Variants in MYLK observed in about 807,000 individuals in gnomAD.
MYLK encodes myosin light chain kinase, also known as myosin light chain kinase, smooth muscle.
In MYLK, 106 loss-of-function variants were observed where a neutral mutation model predicts 203.4. That is an observed-to-expected ratio of 0.52 (90% CI 0.45 to 0.61). The LOEUF is 0.61. Ranked by LOEUF, MYLK falls within the 20% of genes least tolerant of loss-of-function variation. The probability of loss-of-function intolerance (pLI) is 0.00; values close to 1 mark genes in which losing one functional copy is unlikely to be tolerated. For synonymous variants in MYLK, 867 were observed against 959.5 expected (o/e 0.90, Z 1.78); for missense variants, 2,072 against 2,442.3 (o/e 0.85, Z 3.20).
chr3:123,725,110 C>T (rs984977437), intron 12 of MYLK, among the ~76,000 whole-genome samples: 1 of 152,114 alleles, frequency 6.6e-6, no homozygotes, highest in Non-Finnish European at 1.5e-5. Flanking sequence ...CCTTCTTTTC[C>T]ACCCTATCTT....
intron 16 of MYLK, among the ~76,000 whole-genome samples, chr3:123,704,685 T>C (rs2108613733): frequency 6.9e-6 from 1 of 144,596 alleles, no homozygotes; most frequent in Middle Eastern, 4.0e-3. Context: ...GGGCGAATCA[T>C]GAGGTCAGGA....
At chr3:123,737,618 A>G in intron 7 of MYLK, 75 bp from the exon 8 acceptor site, 3 of 1,586,758 alleles carry the variant, frequency 1.9e-6, no homozygotes, top group Non-Finnish European at 2.6e-6. Flanking sequence ...CCTCCTGCCA[A>G]TCCTAGTGGG....
At chr3:123,704,252 C>A (rs111681767) in intron 16 of MYLK, among the ~76,000 whole-genome samples, 146 of 152,350 alleles carry the variant, frequency 9.6e-4, no homozygotes, top group African/African-American at 3.3e-3. Context: ...CTCTGCTGGG[C>A]CTTTAAAGCA....
intron 5 of MYLK, among the ~76,000 whole-genome samples, chr3:123,741,766 A>G (rs2062862755): frequency 6.6e-6 from 1 of 152,258 alleles, no homozygotes; most frequent in South Asian, 2.1e-4. Flanking sequence ...TAGGAAGAAA[A>G]TAAGTAGTCA....
intron 31 of MYLK, chr3:123,623,541 C>CATGTCACTT (rs1399476529): frequency 2.0e-5 from 3 of 152,150 alleles, no homozygotes; most frequent in Non-Finnish European, 4.4e-5. Flanking sequence ...GATTTGTTCC[C>CATGTCACTT]ATGTCACTTC....
intron 4 of MYLK, among the ~76,000 whole-genome samples, chr3:123,790,669 C>T (rs1001987568): frequency 1.3e-5 from 2 of 152,204 alleles, no homozygotes; most frequent in South Asian, 4.1e-4. Flanking sequence ...CAGTTCTTAA[C>T]GTCTTACGAG....
intron 4 of MYLK, among the ~76,000 whole-genome samples, chr3:123,766,642 C>T (rs1424027935): frequency 6.6e-6 from 1 of 152,222 alleles, no homozygotes; most frequent in African/African-American, 2.4e-5. Context: ...GAGGGGTCCT[C>T]GGAGACCCCA....
chr3:123,791,038 C>T (rs1368454833), intron 4 of MYLK, among the ~76,000 whole-genome samples: 3 of 152,160 alleles, frequency 2.0e-5, no homozygotes, highest in Non-Finnish European at 4.4e-5. Flanking sequence ...GAGAAATGTG[C>T]TCCTGAGGCC....
chr3:123,843,890 C>T (rs528568852), intron 2 of MYLK, among the ~76,000 whole-genome samples: 1 of 152,152 alleles, frequency 6.6e-6, no homozygotes, highest in South Asian at 2.1e-4. Context: ...TGCTTCTGCT[C>T]TAAGTGAGAG....
intron 2 of MYLK, among the ~76,000 whole-genome samples, chr3:123,849,747 A>AT (rs200337881): frequency 0.046 from 6,969 of 151,308 alleles, 240 homozygotes; most frequent in Non-Finnish European, 0.074. Context: ...ACATTTATTC[A>AT]TTTTTTTTTA....
chr3:123,719,596 G>C (rs1447558972), intron 13 of MYLK, among the ~76,000 whole-genome samples: 8 of 152,218 alleles, frequency 5.3e-5, no homozygotes, highest in Non-Finnish European at 8.8e-5. Context: ...GCGACTGTCA[G>C]CATCTCCATT....
At position 123,792,696 on chromosome 3, in the gene MYLK, T is replaced by C. The variant is rs1212802236; in HGVS notation, c.165+981A>G. Among the ~76,000 whole-genome samples, 3 of 152,176 alleles carry C rather than the reference T, an allele frequency of 2.0e-5. No homozygotes were observed. The East Asian group carries it at 5.8e-4, about 29-fold the overall frequency. ...CCTGTTGCTTCTCTCCTGTTAGCTA[T>C]GAGGATAAGAGGACAGAGGGAACCA... On this transcript the variant is annotated intron_variant, in intron 4 of 33. Transcript: ENST00000360304.
At chr3:123,638,017 C>T in intron 29 of MYLK, 54 bp downstream of exon 29, 1 of 1,612,158 alleles carries the variant, frequency 6.2e-7, no homozygotes, top group Non-Finnish European at 8.5e-7. Context: ...CCTCAGCCCC[C>T]ACCCACTGGT....
In MYLK at chr3:123,700,676, C is replaced by T. The variant is rs371418382; in HGVS notation, c.2792G>A (p.Arg931Gln). ...AGACACAGTCTTTGGCTTCACTTGCCGCTGCAGGTTGGCACGGAAATCCAT... is the reference window on the plus strand; with the variant it reads ...AGACACAGTCTTTGGCTTCACTTGCTGCTGCAGGTTGGCACGGAAATCCAT... ...EQMDFRANLQ[R>Q]QVKPKTVSEE... Residue 931 changes from arginine to glutamine, a missense_variant, in exon 18 of 34, where the codon CGG becomes CAG. Physicochemically the swap from Arg to Gln is conservative, Grantham distance 43. Transcript: ENST00000360304. 29 of 1,614,026 alleles carry T rather than the reference C, an allele frequency of 1.8e-5. No individual in the cohort carries two copies. The highest frequency in any genetic ancestry group is 1.6e-4 in the Middle Eastern group (1 of 6,084).
chr3:123,809,177 G>C (rs569096698), intron 3 of MYLK, among the ~76,000 whole-genome samples: 3 of 152,152 alleles, frequency 2.0e-5, no homozygotes, highest in Admixed American at 1.3e-4. Flanking sequence ...TCAGGGACAG[G>C]GTCTGCTAAC....
intron 14 of MYLK, 33 bp downstream of exon 14, chr3:123,709,723 G>A (rs759419462): frequency 5.0e-6 from 8 of 1,612,138 alleles, no homozygotes; most frequent in African/African-American, 1.3e-5. Context: ...CCATTTTCAT[G>A]TTAATCCCCA....
At chr3:123,675,017 A>C (rs9836287) in intron 20 of MYLK, among the ~76,000 whole-genome samples, 12,268 of 152,368 alleles carry the variant, frequency 0.081, 658 homozygotes, top group Non-Finnish European at 0.12. Context: ...TGGCCATTAA[A>C]GGAATGAGTG....
chr3:123,759,178 T>C (rs574629123), intron 4 of MYLK, among the ~76,000 whole-genome samples: 32 of 152,348 alleles, frequency 2.1e-4, no homozygotes, highest in African/African-American at 7.7e-4. Context: ...ATACCTTCCT[T>C]GTTCCCCCAA....
At chr3:123,670,818 G>A (rs1354886149) in intron 20 of MYLK, among the ~76,000 whole-genome samples, 1 of 152,242 alleles carries the variant, frequency 6.6e-6, no homozygotes, top group Non-Finnish European at 1.5e-5. Context: ...ATAGCCATAG[G>A]TGGTTAGTAG....
Sources: gnomAD v4.1 joint callset for allele counts (sites outside exome capture counted in the v4.1 genomes callset) on GRCh38, gnomAD v4.1.1 for gene constraint, MANE v1.5 for transcripts, NCBI Gene and HGNC (gene_info 2026-07-23, HGNC 2026-07-21) for gene names.